EVI5: variants seen among roughly 807,000 people sequenced by gnomAD.
The protein encoded by EVI5 is ecotropic viral integration site 5.
In EVI5, 73 loss-of-function variants were observed where a neutral mutation model predicts 112.0. The ratio of observed to expected loss-of-function variants is 0.65; its 90% confidence interval spans 0.54 to 0.79. The LOEUF (loss-of-function observed/expected upper bound fraction) is 0.79. Ranked by LOEUF, EVI5 falls within the 30% of genes least tolerant of loss-of-function variation. The pLI, the probability that EVI5 is intolerant of heterozygous loss-of-function variation, is 0.00. For synonymous variants in EVI5, 305 were observed against 319.9 expected (o/e 0.95, Z 0.50); for missense variants, 900 against 968.8 (o/e 0.93, Z 0.94).
At chr1:92,645,859 AC>A (rs1465607154) in intron 13 of EVI5, among the ~76,000 whole-genome samples, 21 of 152,152 alleles carry the variant, frequency 1.4e-4, no homozygotes, top group African/African-American at 4.8e-4. Flanking sequence ...GTTGCAACTC[AC>A]TTCTCTTGCT....
intron 19 of EVI5, among the ~76,000 whole-genome samples, chr1:92,523,716 T>C (rs1384330502): frequency 6.6e-6 from 1 of 152,206 alleles, no homozygotes; most frequent in East Asian, 1.9e-4. Flanking sequence ...TCCTTACTTC[T>C]GTGAGAATAT....
At chr1:92,546,526 G>A (rs1465584803) in intron 19 of EVI5, among the ~76,000 whole-genome samples, 3 of 151,904 alleles carry the variant, frequency 2.0e-5, no homozygotes, top group African/African-American at 4.8e-5. Context: ...GTGAAACCCC[G>A]TCTCTACTAA....
intron 13 of EVI5, among the ~76,000 whole-genome samples, chr1:92,655,611 GAAGGAAA>G (rs1662864450): frequency 6.6e-6 from 1 of 152,044 alleles, no homozygotes; most frequent in African/African-American, 2.4e-5. Flanking sequence ...AATACAGACT[GAAGGAAA>G]AAGGGTAGAA....
chr1:92,666,128 A>C, intron 10 of EVI5, 136 bp from the exon 11 acceptor site: 6 of 572,600 alleles, frequency 1.0e-5, no homozygotes, highest in Non-Finnish European at 1.2e-5. Flanking sequence ...ATCAAATGTC[A>C]AAGACTCAGA....
chr1:92,636,098 A>G, intron 14 of EVI5, 104 bp downstream of exon 14: 2 of 909,816 alleles, frequency 2.2e-6, no homozygotes, highest in South Asian at 2.1e-5. Flanking sequence ...TAAGGCTTCT[A>G]ATGTATAAAA....
intron 17 of EVI5, chr1:92,607,355 A>G: frequency 2.6e-6 from 1 of 389,692 alleles, no homozygotes; most frequent in Non-Finnish European, 4.5e-6. Flanking sequence ...CAGGAAATTA[A>G]ATTAACCAAG....
At chr1:92,532,085 G>A (rs889221713) in intron 19 of EVI5, among the ~76,000 whole-genome samples, 3 of 144,082 alleles carry the variant, frequency 2.1e-5, no homozygotes, top group African/African-American at 5.3e-5. Context: ...TAAACGGATG[G>A]AGGAGTATTT....
At chr1:92,743,057 TAAA>T (rs750826267) in intron 1 of EVI5, among the ~76,000 whole-genome samples, 18 of 152,128 alleles carry the variant, frequency 1.2e-4, no homozygotes, top group Admixed American at 4.6e-4. Flanking sequence ...TATTCAGCCT[TAAA>T]AAGGAAGGAG....
chr1:92,765,215 CTTTT>C (rs533143502), intron 1 of EVI5, among the ~76,000 whole-genome samples: 1 of 116,436 alleles, frequency 8.6e-6, no homozygotes, highest in Non-Finnish European at 1.7e-5. Flanking sequence ...TTTTTCCTTC[CTTTT>C]TTTTTTTTTT....
At chr1:92,785,423 C>G (rs546087336), upstream of EVI5, among the ~76,000 whole-genome samples, 2 of 152,216 alleles carry the variant, frequency 1.3e-5, no homozygotes, top group Non-Finnish European at 2.9e-5. Context: ...GCCGCACCGA[C>G]GCGGAGCCTG....
At chr1:92,684,750 C>G (rs1668218903) in intron 9 of EVI5, among the ~76,000 whole-genome samples, 1 of 151,902 alleles carries the variant, frequency 6.6e-6, no homozygotes, top group Non-Finnish European at 1.5e-5. Context: ...GCATGGGTTG[C>G]AATCCTAGTC....
intron 18 of EVI5, among the ~76,000 whole-genome samples, chr1:92,590,256 C>G (rs1673581211): frequency 6.6e-6 from 1 of 152,272 alleles, no homozygotes; most frequent in African/African-American, 2.4e-5. Context: ...TGGAACAAAG[C>G]TGGACGGAGA....
chr1:92,618,498 G>C lies in EVI5; in HGVS notation c.1827+5678C>G, dbSNP rs187073519. Among the ~76,000 whole-genome samples the C allele has an allele frequency of 1.2e-4, 19 of 152,272 alleles. No individual in the cohort carries two copies. In the East Asian group the frequency reaches 2.9e-3, roughly 23 times the overall value. Reference sequence around the variant, plus strand: ...AATCAGTCTGCTAATCCACAACGGAGGTAAAGAAGAGTATGCATGGAATAC... The same window carrying C: ...AATCAGTCTGCTAATCCACAACGGACGTAAAGAAGAGTATGCATGGAATAC... On this transcript the variant is annotated intron_variant, in intron 16 of 19. Coordinates refer to ENST00000684568, the MANE Select transcript of EVI5 (RefSeq NM_001350197.2).
At chr1:92,666,617 G>A (rs1286082916) in intron 10 of EVI5, among the ~76,000 whole-genome samples, 1 of 138,420 alleles carries the variant, frequency 7.2e-6, no homozygotes, top group Non-Finnish European at 1.6e-5. Flanking sequence ...GGAAGGGAGG[G>A]GTTGGGAGGG....
intron 7 of EVI5, 106 bp from the exon 8 acceptor site, chr1:92,694,494 G>A (rs1420923015): frequency 3.9e-5 from 25 of 649,272 alleles, no homozygotes; most frequent in Non-Finnish European, 6.2e-5. Context: ...CTAAACTAGG[G>A]GCTGGCAAAC....
At chr1:92,713,890 T>C (rs1673219447) in intron 2 of EVI5, 1 of 303,786 alleles carries the variant, frequency 3.3e-6, no homozygotes, top group African/African-American at 2.3e-5. Flanking sequence ...CAAATATGGC[T>C]GCAATGCCAA....
intron 18 of EVI5, among the ~76,000 whole-genome samples, chr1:92,600,790 G>A (rs897199400): frequency 1.7e-4 from 26 of 152,264 alleles, no homozygotes; most frequent in South Asian, 2.1e-4. Context: ...CCTGCTGTGC[G>A]GCCCGGTTCC....
rs61310991 is a variant in EVI5, at chr1:92,586,606, C to CTGTGTGTG, written c.2070+18693_2070+18700dup. ...AATGTAGGTTTTTTTTTTTTTTTGG[C>CTGTGTGTG]TGTGTGTGTGTGTGTGTGTGTGTGT... On this transcript the variant is annotated intron_variant, in intron 18 of 19. Transcript: ENST00000684568. 8.9e-3 allele frequency among the ~76,000 whole-genome samples: 651 copies of CTGTGTGTG among 72,766 alleles called. 13 individuals are homozygous for CTGTGTGTG. The highest frequency in any genetic ancestry group is 0.026 in the African/African-American group (608 of 23,206). 47.7% of individuals were successfully genotyped at this position (72,766 alleles called of 152,430 possible). A position where few individuals can be genotyped will look rare whatever the true frequency, so the allele number is the denominator to read the frequency against.
intron 2 of EVI5, among the ~76,000 whole-genome samples, chr1:92,728,766 A>T (rs1268866901): frequency 2.0e-5 from 3 of 152,170 alleles, no homozygotes; most frequent in African/African-American, 7.2e-5. Flanking sequence ...ATAATTCAAA[A>T]GTTTTAAATT....
Sources: allele counts gnomAD v4.1 joint callset (sites outside exome capture counted in the v4.1 genomes callset), GRCh38; gene constraint gnomAD v4.1.1; transcripts MANE v1.5; gene names NCBI Gene and HGNC (gene_info 2026-07-23, HGNC 2026-07-21).